Variants in PPARD observed in about 807,000 individuals in gnomAD.
PPARD encodes the protein peroxisome proliferator-activated receptor delta.
PPARD carries 6 observed loss-of-function variants against 39.5 expected under a neutral mutation model. The ratio of observed to expected loss-of-function variants is 0.15; its 90% CI spans 0.08 to 0.30. The LOEUF is 0.30. Among genes scored for constraint, PPARD ranks in the 10% least tolerant of loss-of-function variants. PPARD has a pLI of 1.00. For missense variants in PPARD, 397 were observed against 596.8 expected (o/e 0.67, Z 3.49); for synonymous variants, 210 against 231.3 (o/e 0.91, Z 0.83).
rs1420918222 is a variant in PPARD at position 35,363,494 on chromosome 6, C to A, written c.-102+16344C>A. Among the ~76,000 whole-genome samples the A allele has an allele frequency of 6.6e-6, 1 of 152,238 alleles. No homozygotes were observed. The highest frequency in any genetic ancestry group is 1.5e-5 in the Non-Finnish European group (1 of 68,042). On this transcript the variant is annotated intron_variant, in intron 2 of 7. Coordinates refer to ENST00000360694, the MANE Select transcript of PPARD (RefSeq NM_006238.5). The surrounding 1 kb of genome is among the most constrained non-coding windows in gnomAD (Gnocchi z 4.5). ...CTCAGCTGACACACGCTTGTAACTA[C>A]AGCCCTGGCCATTGGACGGCTCATC...
At position 35,389,603 on chromosome 6, in the gene PPARD, G is replaced by A. The variant is rs141409312; in HGVS notation, c.-101-21384G>A. The stretch of plus-strand genomic sequence containing the variant: ...GCTAGGATTACAGGCGTGAGCCACC[G>A]CGCCCAGCCTGGGTGATGGTTTTAT... On this transcript the variant is annotated intron_variant, in intron 2 of 7. Transcript: ENST00000360694. Among the ~76,000 whole-genome samples, 192 of 151,882 alleles carry A rather than the reference G, an allele frequency of 1.3e-3. 2 individuals carry two copies. Among genetic ancestry groups the A allele is most frequent in the Middle Eastern group, 3.4e-3 (1 of 292 alleles).
intron 2 of PPARD, among the ~76,000 whole-genome samples, chr6:35,380,476 G>GTTTTTTTTTTT (rs71002557): frequency 1.8e-4 from 12 of 67,140 alleles, no homozygotes; most frequent in South Asian, 7.4e-4. Context: ...TTTTTTGTTT[G>GTTTTTTTTTTT]TTTTTTTTTT....
chr6:35,426,379 C>G lies in PPARD; in HGVS notation c.*300C>G. On this transcript the variant is annotated 3_prime_UTR_variant, in exon 8 of 8. Coordinates refer to ENST00000360694, the MANE Select transcript of PPARD (RefSeq NM_006238.5). ...TTTCTCTCTTCCCTTCTCCCTTGCC[C>G]TCCCTTTCTCTCTCCACCCCCCACG... is the stretch of plus-strand genomic sequence containing the variant. 1 of 458,484 alleles carries G rather than the reference C, an allele frequency of 2.2e-6. No individual in the cohort carries two copies. Among genetic ancestry groups the G allele is most frequent in the Non-Finnish European group, 4.0e-6 (1 of 253,052 alleles). 28.4% of individuals were successfully genotyped at this position (458,484 alleles called of 1,614,324 possible). A position where few individuals can be genotyped will look rare whatever the true frequency, so the allele number is the denominator to read the frequency against.
At chr6:35,369,604 A>T (rs1056512705) in intron 2 of PPARD, among the ~76,000 whole-genome samples, 1 of 152,242 alleles carries the variant, frequency 6.6e-6, no homozygotes, top group African/African-American at 2.4e-5. Flanking sequence ...GGACATAATC[A>T]TGGTACTGTT....
chr6:35,387,216 G>T (rs1763724039), intron 2 of PPARD, among the ~76,000 whole-genome samples: 1 of 151,622 alleles, frequency 6.6e-6, no homozygotes, highest in African/African-American at 2.4e-5. Context: ...GAGCTCACAG[G>T]ATGTTTTCTT....
chr6:35,349,091 T>C (rs1359053044), intron 2 of PPARD: 3 of 897,176 alleles, frequency 3.3e-6, no homozygotes, highest in African/African-American at 3.6e-5. Context: ...AGTGGCGCGA[T>C]CTAGGCTCAC....
intron 1 of PPARD, among the ~76,000 whole-genome samples, chr6:35,343,346 C>T (rs1582252174): frequency 6.6e-6 from 1 of 152,174 alleles, no homozygotes; most frequent in African/African-American, 2.4e-5. Context: ...CTAAGACTCT[C>T]ACCTTGGTTC....
At chr6:35,362,216 A>G (rs937275466) in intron 2 of PPARD, among the ~76,000 whole-genome samples, 3 of 151,792 alleles carry the variant, frequency 2.0e-5, no homozygotes, top group Non-Finnish European at 2.9e-5. Context: ...CCCATTTTTC[A>G]GGTGGTTTTG....
At chr6:35,350,264 A>G (rs1166794299) in intron 2 of PPARD, among the ~76,000 whole-genome samples, 1 of 152,076 alleles carries the variant, frequency 6.6e-6, no homozygotes, top group Non-Finnish European at 1.5e-5. Context: ...ATGTGATGTG[A>G]TCCCATTTGA....
chr6:35,420,256 G>A lies in PPARD; in HGVS notation c.260G>A (p.Gly87Asp). 2 of 1,594,626 alleles carry A rather than the reference G, an allele frequency of 1.3e-6. No individual in the cohort carries two copies. The highest frequency in any genetic ancestry group is 1.7e-6 in the Non-Finnish European group (2 of 1,170,038). ...CGDKASGFHY[G>D]VHACEGCKGF... is the part of the protein sequence containing the mutation. ...GACAAGGCATCGGGCTTCCACTACGGTGTTCATGCATGTGAGGGGTGCAAG... is the reference window on the plus strand; with the variant it reads ...GACAAGGCATCGGGCTTCCACTACGATGTTCATGCATGTGAGGGGTGCAAG... The change falls in exon 4 of 8, where the codon GGT becomes GAT. Residue 87 changes from glycine (G) to aspartate (D), a missense_variant. Gly to Asp is a moderately conservative substitution (Grantham distance 94). Coordinates refer to ENST00000360694, the MANE Select transcript of PPARD (RefSeq NM_006238.5).
chr6:35,357,365 T>C (rs930399959), intron 2 of PPARD, among the ~76,000 whole-genome samples: 3 of 152,146 alleles, frequency 2.0e-5, no homozygotes, highest in African/African-American at 7.2e-5. Context: ...TTTAGGAAAG[T>C]GCAGAGATCC....
chr6:35,382,114 C>T (rs752841888), intron 2 of PPARD, among the ~76,000 whole-genome samples: 5 of 152,138 alleles, frequency 3.3e-5, no homozygotes, highest in Non-Finnish European at 7.3e-5. Context: ...TCCATTCTGA[C>T]GTCAGCAGTA....
intron 2 of PPARD, among the ~76,000 whole-genome samples, chr6:35,350,832 G>C (rs900706089): frequency 6.6e-6 from 1 of 151,542 alleles, no homozygotes; most frequent in African/African-American, 2.4e-5. Flanking sequence ...TCACCATGTT[G>C]GTCAGGCTGG....
At chr6:35,355,109 C>T (rs1266997554) in intron 2 of PPARD, among the ~76,000 whole-genome samples, 1 of 152,120 alleles carries the variant, frequency 6.6e-6, no homozygotes, top group Non-Finnish European at 1.5e-5. Flanking sequence ...GCATAGGGAG[C>T]CCAGCCTCAG....
At chr6:35,421,745 A>G (rs2150843030) in intron 4 of PPARD, 75 bp from the exon 5 acceptor site, 2 of 1,481,622 alleles carry the variant, frequency 1.3e-6, no homozygotes, top group Non-Finnish European at 1.8e-6. Flanking sequence ...TACACCTTAT[A>G]CATAATCGGG....
At chr6:35,395,076 T>G (rs1764240147) in intron 2 of PPARD, among the ~76,000 whole-genome samples, 1 of 152,180 alleles carries the variant, frequency 6.6e-6, no homozygotes, top group African/African-American at 2.4e-5. Context: ...CCACTTGCTG[T>G]CTTCGCACCT....
At chr6:35,354,957 C>T (rs1761489040) in intron 2 of PPARD, among the ~76,000 whole-genome samples, 1 of 152,146 alleles carries the variant, frequency 6.6e-6, no homozygotes, top group Admixed American at 6.6e-5. Flanking sequence ...GACTGAATGT[C>T]CTGAGCCTTC....
chr6:35,348,527 C>A, intron 2 of PPARD: 1 of 985,404 alleles, frequency 1.0e-6, no homozygotes, highest in African/African-American at 1.7e-5. Flanking sequence ...TGGGTCCCTG[C>A]TGGGGGCCGG....
chr6:35,362,446 C>CTTT (rs34916659), intron 2 of PPARD, among the ~76,000 whole-genome samples: 39 of 144,844 alleles, frequency 2.7e-4, no homozygotes, highest in African/African-American at 9.6e-4. Flanking sequence ...CCACTCCTGC[C>CTTT]TTTTTTTTTT....
Sources: allele counts gnomAD v4.1 joint callset (sites outside exome capture counted in the v4.1 genomes callset), GRCh38; gene constraint gnomAD v4.1.1; non-coding constraint Gnocchi (gnomAD v3.1); transcripts MANE v1.5; gene names NCBI Gene and HGNC (gene_info 2026-07-23, HGNC 2026-07-21).